Variants in EYS observed in about 807,000 individuals in gnomAD.
EYS encodes EGF-like photoreceptor maintenance factor.
EYS carries 250 observed loss-of-function variants against 282.1 expected under a neutral mutation model. The ratio of observed to expected loss-of-function variants is 0.89; its 90% CI spans 0.80 to 0.98. EYS has a LOEUF of 0.98. EYS is among the 50% of genes least tolerant of loss of function. The pLI, the probability that EYS is intolerant of heterozygous loss-of-function variation, is 0.00. For synonymous variants in EYS, 1,355 were observed against 1,282.9 expected (o/e 1.06, Z -1.20); for missense variants, 4,016 against 3,709.0 (o/e 1.08, Z -2.15).
chr6:63,850,588 G>A (rs867566110), intron 36 of EYS, among the ~76,000 whole-genome samples: 2 of 152,114 alleles, frequency 1.3e-5, no homozygotes, highest in African/African-American at 4.8e-5. Flanking sequence ...CTTCATAAGC[G>A]AAGGAGAAAT....
chr6:63,848,795 T>A (rs191153763), intron 36 of EYS, among the ~76,000 whole-genome samples: 6 of 152,240 alleles, frequency 3.9e-5, no homozygotes, highest in Non-Finnish European at 8.8e-5. Flanking sequence ...GGAGTTAGTT[T>A]TCATACCCCA....
At chr6:63,904,690 A>G (rs1043595281) in intron 35 of EYS, among the ~76,000 whole-genome samples, 10 of 152,176 alleles carry the variant, frequency 6.6e-5, no homozygotes, top group Non-Finnish European at 1.5e-5. Context: ...GAAGCCATGG[A>G]AAGACGAGCC....
chr6:65,519,708 A>ATATATTTTTT (rs1554205854), intron 2 of EYS, among the ~76,000 whole-genome samples: 1 of 42,562 alleles, frequency 2.3e-5, no homozygotes, highest in African/African-American at 1.3e-4. Context: ...ATATATATAT[A>ATATATTTTTT]TTTTTTTTTT....
At chr6:64,535,443 C>G (rs1376046076) in intron 26 of EYS, among the ~76,000 whole-genome samples, 2 of 151,974 alleles carry the variant, frequency 1.3e-5, no homozygotes, top group African/African-American at 4.8e-5. Flanking sequence ...TCTACAATCA[C>G]AAAATTAAAA....
chr6:64,568,589 G>A (rs569313516), intron 26 of EYS, among the ~76,000 whole-genome samples: 1 of 152,290 alleles, frequency 6.6e-6, no homozygotes, highest in Admixed American at 6.5e-5. Context: ...TGCTGACTCT[G>A]AAGAGAGAAG....
chr6:64,302,649 T>A (rs1276990761), intron 30 of EYS, among the ~76,000 whole-genome samples: 2 of 152,070 alleles, frequency 1.3e-5, no homozygotes. Context: ...GGACAGGCCA[T>A]AGAACGTGCC....
chr6:64,551,349 G>T (rs1765076190), intron 26 of EYS, among the ~76,000 whole-genome samples: 1 of 151,794 alleles, frequency 6.6e-6, no homozygotes, highest in Admixed American at 6.6e-5. Context: ...CAAGTGAGGG[G>T]CAGAAGGAGT....
At chr6:64,699,757 A>G (rs1583055719) in intron 22 of EYS, among the ~76,000 whole-genome samples, 2 of 152,218 alleles carry the variant, frequency 1.3e-5, no homozygotes, top group East Asian at 3.9e-4. Context: ...GATGAATTCT[A>G]TCAAATCTAC....
intron 12 of EYS, among the ~76,000 whole-genome samples, chr6:65,190,498 T>G (rs751036421): frequency 6.6e-6 from 1 of 151,464 alleles, no homozygotes; most frequent in Non-Finnish European, 1.5e-5. Flanking sequence ...GTACCTACTG[T>G]GTCTGACGAA....
intron 35 of EYS, among the ~76,000 whole-genome samples, chr6:63,894,000 C>A (rs1486833547): frequency 6.6e-6 from 1 of 152,126 alleles, no homozygotes; most frequent in Non-Finnish European, 1.5e-5. Flanking sequence ...TTCTGAGAGA[C>A]CTGACTGTGT....
At chr6:65,607,839 A>G (rs528448741) in intron 2 of EYS, among the ~76,000 whole-genome samples, 3 of 152,092 alleles carry the variant, frequency 2.0e-5, no homozygotes, top group South Asian at 2.1e-4. Flanking sequence ...GGAAAATACA[A>G]TTGTTAGAAA....
At chr6:64,923,538 C>T (rs1476654023) in intron 15 of EYS, among the ~76,000 whole-genome samples, 1 of 152,182 alleles carries the variant, frequency 6.6e-6, no homozygotes, top group East Asian at 1.9e-4. Flanking sequence ...AAAGTCTTAA[C>T]TCATTTCAGC....
chr6:65,171,233 G>C (rs886325567), intron 12 of EYS, among the ~76,000 whole-genome samples: 1 of 151,364 alleles, frequency 6.6e-6, no homozygotes, highest in Non-Finnish European at 1.5e-5. Context: ...CCTAATTATT[G>C]GGTCTTACAT....
chr6:64,280,258 A>G (rs2150361262), intron 30 of EYS, among the ~76,000 whole-genome samples: 1 of 152,306 alleles, frequency 6.6e-6, no homozygotes, highest in Admixed American at 6.5e-5. Flanking sequence ...ATTTTTAGTT[A>G]TCGATCATCC....
At chr6:64,695,135 T>A (rs1406105776) in intron 22 of EYS, among the ~76,000 whole-genome samples, 7 of 151,952 alleles carry the variant, frequency 4.6e-5, no homozygotes. Flanking sequence ...CTCAGCCCCA[T>A]CCAACCCACC....
intron 12 of EYS, among the ~76,000 whole-genome samples, chr6:65,285,720 T>A (rs1768344327): frequency 6.6e-6 from 1 of 151,984 alleles, no homozygotes; most frequent in African/African-American, 2.4e-5. Flanking sequence ...TGATAGAAAA[T>A]GTCCTAAGTG....
chr6:64,097,636 C>G (rs557389018), intron 31 of EYS, among the ~76,000 whole-genome samples: 3 of 152,110 alleles, frequency 2.0e-5, no homozygotes, highest in African/African-American at 7.2e-5. Context: ...ACCCAATTTT[C>G]CAGGTGCCAT....
intron 31 of EYS, among the ~76,000 whole-genome samples, chr6:64,100,920 T>C (rs1582270024): frequency 6.6e-6 from 1 of 152,176 alleles, no homozygotes; most frequent in Non-Finnish European, 1.5e-5. Flanking sequence ...TCCCTTGGAG[T>C]TCTAAACTTT....
At chr6:64,978,772 C>T (rs191817627) in intron 14 of EYS, among the ~76,000 whole-genome samples, 101 of 151,960 alleles carry the variant, frequency 6.6e-4, no homozygotes, top group Non-Finnish European at 1.1e-3. Flanking sequence ...TCACAGAAGA[C>T]TTTGAGGGAT....
Sources: allele counts gnomAD v4.1 joint callset (sites outside exome capture counted in the v4.1 genomes callset), GRCh38; gene constraint gnomAD v4.1.1; transcripts MANE v1.5; gene names NCBI Gene and HGNC (gene_info 2026-07-23, HGNC 2026-07-21).